Variants in POU2F1 observed in about 807,000 individuals in gnomAD.
The protein encoded by POU2F1 is POU domain, class 2, transcription factor 1.
POU2F1 carries 16 observed loss-of-function variants against 84.9 expected under a neutral mutation model. The ratio of observed to expected loss-of-function variants is 0.19; its 90% CI spans 0.13 to 0.29. POU2F1 has a LOEUF of 0.29. Among genes scored for constraint, POU2F1 ranks in the 10% least tolerant of loss-of-function variants. The pLI is 1.00. For synonymous variants in POU2F1, 368 were observed against 368.3 expected, an observed-to-expected ratio of 1.00 and a Z score of 0.01; for missense variants, 738 against 942.6, an observed-to-expected ratio of 0.78 and a Z score of 2.84.
chr1:167,260,628 T>C (rs1651493406), intron 1 of POU2F1, among the ~76,000 whole-genome samples: 1 of 152,224 alleles, frequency 6.6e-6, no homozygotes, highest in Admixed American at 6.5e-5. Context: ...TCAGCTTTCC[T>C]GCATTGCCAA....
intron 2 of POU2F1, among the ~76,000 whole-genome samples, chr1:167,363,607 C>A (rs1452702936): frequency 6.6e-6 from 1 of 152,130 alleles, no homozygotes; most frequent in Admixed American, 6.5e-5. Flanking sequence ...GGAGGTGATT[C>A]TAATTACATT....
chr1:167,374,345 G>C (rs1281966121), intron 6 of POU2F1, 49 bp downstream of exon 6: 6 of 1,499,072 alleles, frequency 4.0e-6, no homozygotes, highest in African/African-American at 1.4e-5. Context: ...GAATAAAGTG[G>C]CAGGTTTTAT....
At position 167,376,168 on chromosome 1, in the gene POU2F1, T is replaced by G; in HGVS notation, c.718+13T>G. On this transcript the variant is annotated intron_variant, in intron 7 of 15. Transcript: ENST00000367866. ...CAGGGCCAGCAGGGTGAGCTCCTCCTTAGAGCTTATTAGTGGTATACCAAG... is the reference window on the plus strand; with the variant it reads ...CAGGGCCAGCAGGGTGAGCTCCTCCGTAGAGCTTATTAGTGGTATACCAAG... The G allele has an allele frequency of 6.2e-7, 1 of 1,613,836 alleles. No homozygotes were observed. Among genetic ancestry groups the G allele is most frequent in the Non-Finnish European group, 8.5e-7 (1 of 1,179,864 alleles).
At chr1:167,297,331 G>A (rs773061249) in intron 1 of POU2F1, among the ~76,000 whole-genome samples, 1 of 152,196 alleles carries the variant, frequency 6.6e-6, no homozygotes, top group African/African-American at 2.4e-5. Flanking sequence ...AAAGGAGTTT[G>A]CGTGGCTAAT....
chr1:167,259,601 T>G (rs1372268206), intron 1 of POU2F1, among the ~76,000 whole-genome samples: 2 of 152,126 alleles, frequency 1.3e-5, no homozygotes, highest in Admixed American at 1.3e-4. Context: ...GTGTGTAAGA[T>G]AGAGTGCATG....
At chr1:167,372,225 G>C (rs778254693) in intron 5 of POU2F1, among the ~76,000 whole-genome samples, 189 bp downstream of exon 5, 4 of 152,208 alleles carry the variant, frequency 2.6e-5, no homozygotes, top group Non-Finnish European at 4.4e-5. Flanking sequence ...TTTGTCGTAA[G>C]TTTTCAGGAT....
intron 2 of POU2F1, among the ~76,000 whole-genome samples, chr1:167,334,151 CTTTTTTTTTTT>C (rs57242474): frequency 3.3e-4 from 22 of 66,794 alleles, no homozygotes; most frequent in African/African-American, 1.1e-3. Flanking sequence ...AACTACAACA[CTTTTTTTTTTT>C]TTTTTTTTTT....
chr1:167,409,208 C>T (rs1282692822), intron 13 of POU2F1, among the ~76,000 whole-genome samples: 2 of 152,110 alleles, frequency 1.3e-5, no homozygotes, highest in Non-Finnish European at 2.9e-5. Flanking sequence ...AATTTTTATG[C>T]ACAGTGTAAG....
At chr1:167,232,636 A>G (rs913975884) in intron 1 of POU2F1, among the ~76,000 whole-genome samples, 3 of 152,188 alleles carry the variant, frequency 2.0e-5, no homozygotes, top group African/African-American at 4.8e-5. Context: ...TGAGGTCAGG[A>G]GTTCGAGACC....
chr1:167,354,239 C>G (rs961410358), intron 2 of POU2F1, among the ~76,000 whole-genome samples: 4 of 152,122 alleles, frequency 2.6e-5, no homozygotes, highest in African/African-American at 9.7e-5. Flanking sequence ...TGACTTTGTA[C>G]TTATCTCTTG....
intron 7 of POU2F1, chr1:167,379,676 A>G (rs1402183713): frequency 6.6e-6 from 1 of 152,230 alleles, no homozygotes; most frequent in African/African-American, 2.4e-5. Flanking sequence ...TAGATCAGAA[A>G]GACTTAGGAA....
intron 10 of POU2F1, 72 bp downstream of exon 10, chr1:167,396,499 G>C (rs1571438122): frequency 6.8e-7 from 1 of 1,465,248 alleles, no homozygotes; most frequent in South Asian, 1.2e-5. Context: ...ATAAATTGGG[G>C]TTTATATTTC....
rs905543639 is a variant in POU2F1 at position 167,422,171 on chromosome 1, C to T, written c.*6361C>T. The T allele has an allele frequency of 3.9e-5, 6 of 152,310 alleles. No homozygotes were observed. Among genetic ancestry groups the T allele is most frequent in the East Asian group, 1.9e-4 (1 of 5,192 alleles). The allele number at this position is 152,310 out of a possible 1,614,324, so 9.4% of individuals were successfully genotyped here. A position where few individuals can be genotyped will look rare whatever the true frequency, so the allele number is the denominator to read the frequency against. On this transcript the variant is annotated 3_prime_UTR_variant, in exon 16 of 16. Coordinates refer to ENST00000367866, the MANE Select transcript of POU2F1 (RefSeq NM_002697.4). ...TGCCCCCCAGACCCTGCCAACCTCT[C>T]CTAATGATTCATTACCTCTGTACAT...
rs34080201 is a variant in POU2F1 at position 167,277,498 on chromosome 1, T to TAAAAA, written c.62-54958_62-54954dup. ...TACGTGTCAACCATACCTGGCTAAT[T>TAAAAA]AAAAAAAAAAAAAAAAAATTGCCTA... is the stretch of plus-strand genomic sequence containing the variant. On this transcript the variant is annotated intron_variant, in intron 1 of 15. Transcript: ENST00000367866. Among the ~76,000 whole-genome samples, 3 of 135,588 alleles carry TAAAAA rather than the reference T, an allele frequency of 2.2e-5. No individual in the cohort carries two copies. The Admixed American group carries it at 2.2e-4, about 10-fold the overall frequency. The allele number at this position is 135,588 out of a possible 152,430, so 89.0% of individuals were successfully genotyped here. A position where few individuals can be genotyped will look rare whatever the true frequency, so the allele number is the denominator to read the frequency against.
chr1:167,426,886 G>T lies in POU2F1; in HGVS notation c.*11076G>T, dbSNP rs900841506. On this transcript the variant is annotated 3_prime_UTR_variant, in exon 16 of 16. Transcript: ENST00000367866. ...TAACTCTGCACTCTGGGTGGCTATT[G>T]TGTAGCCTTACTGCCCCAGAGTGCC... is the stretch of plus-strand genomic sequence containing the variant. 6.6e-6 allele frequency: 1 copy of T among 152,244 alleles called. No individual in the cohort carries two copies. The highest frequency in any genetic ancestry group is 3.4e-3 in the Middle Eastern group (1 of 294). 9.4% of individuals were successfully genotyped at this position (152,244 alleles called of 1,614,324 possible).
At chr1:167,297,727 C>T (rs1479498829) in intron 1 of POU2F1, among the ~76,000 whole-genome samples, 1 of 152,164 alleles carries the variant, frequency 6.6e-6, no homozygotes, top group Non-Finnish European at 1.5e-5. Flanking sequence ...TATGTAAGCC[C>T]TCAGTCAAAT....
At position 167,400,776 on chromosome 1, in the gene POU2F1, T is replaced by C. The variant is rs1443530358; in HGVS notation, c.1450-675T>C. Among the ~76,000 whole-genome samples the C allele has an allele frequency of 4.6e-5, 7 of 152,268 alleles. No individual in the cohort carries two copies. In the South Asian group the frequency reaches 6.2e-4, roughly 13 times the overall value. ...CTGTTCTTTTTAAATTTGGTTTTAT[T>C]TTATTTGAATGTCATTCCATACTGG... On this transcript the variant is annotated intron_variant, in intron 12 of 15. Coordinates refer to ENST00000367866, the MANE Select transcript of POU2F1 (RefSeq NM_002697.4).
At chr1:167,240,493 T>G (rs1649820686) in intron 1 of POU2F1, among the ~76,000 whole-genome samples, 1 of 152,176 alleles carries the variant, frequency 6.6e-6, no homozygotes, top group Non-Finnish European at 1.5e-5. Context: ...AAAAAATATT[T>G]AAAATAATGA....
chr1:167,314,413 A>G (rs1655731467), intron 1 of POU2F1, among the ~76,000 whole-genome samples: 3 of 152,238 alleles, frequency 2.0e-5, no homozygotes, highest in Admixed American at 6.5e-5. Context: ...TTGGAGAAGC[A>G]GATCTCTCAC....
Sources: gnomAD v4.1 joint callset for allele counts (sites outside exome capture counted in the v4.1 genomes callset) on GRCh38, gnomAD v4.1.1 for gene constraint, MANE v1.5 for transcripts, NCBI Gene and HGNC (gene_info 2026-07-23, HGNC 2026-07-21) for gene names.